Variants in TGFBR3 observed in about 807,000 individuals in gnomAD.
TGFBR3 encodes the protein transforming growth factor beta receptor type 3.
TGFBR3 carries 46 observed loss-of-function variants against 87.9 expected under a neutral mutation model. That is an observed-to-expected ratio of 0.52 (90% CI 0.41 to 0.67). The LOEUF (loss-of-function observed/expected upper bound fraction) is 0.67, where lower values mean the gene tolerates loss of function less well. Ranked by LOEUF, TGFBR3 falls within the 30% of genes least tolerant of loss-of-function variation. TGFBR3 has a pLI of 0.00. For missense variants in TGFBR3, 866 were observed against 1,041.9 expected, an observed-to-expected ratio of 0.83 and a Z score of 2.32; for synonymous variants, 381 against 391.6, an observed-to-expected ratio of 0.97 and a Z score of 0.32.
At chr1:91,813,439 T>C (rs1025908063) in intron 2 of TGFBR3, among the ~76,000 whole-genome samples, 1 of 152,220 alleles carries the variant, frequency 6.6e-6, no homozygotes, top group Non-Finnish European at 1.5e-5. Flanking sequence ...CATTTTCTCA[T>C]GGTGACCTCC....
chr1:91,768,068 C>T (rs1674243563), intron 3 of TGFBR3, among the ~76,000 whole-genome samples: 2 of 151,950 alleles, frequency 1.3e-5, no homozygotes, highest in Admixed American at 6.6e-5. Flanking sequence ...CAAAATTAGC[C>T]GGGTGTGGTG....
intron 1 of TGFBR3, among the ~76,000 whole-genome samples, chr1:91,873,949 C>CA (rs769246405): frequency 0.011 from 1,176 of 104,882 alleles, 5 homozygotes; most frequent in African/African-American, 0.023. Flanking sequence ...GACCCTGCCA[C>CA]AAAAAAAAAA....
intron 2 of TGFBR3, among the ~76,000 whole-genome samples, chr1:91,832,612 A>T (rs1042962741): frequency 6.6e-6 from 1 of 152,244 alleles, no homozygotes; most frequent in Admixed American, 6.5e-5. Context: ...TCAAGTGATT[A>T]AGCCAAACCA....
intron 12 of TGFBR3, among the ~76,000 whole-genome samples, chr1:91,713,263 C>T (rs887820120): frequency 6.6e-6 from 1 of 152,184 alleles, no homozygotes; most frequent in Non-Finnish European, 1.5e-5. Flanking sequence ...ATTTATACTT[C>T]CCCCTTTGAA....
At chr1:91,786,683 G>A (rs1427862773) in intron 3 of TGFBR3, among the ~76,000 whole-genome samples, 2 of 151,866 alleles carry the variant, frequency 1.3e-5, no homozygotes, top group Non-Finnish European at 2.9e-5. Flanking sequence ...CTCGGGAGGC[G>A]GAGGTTGCAG....
chr1:91,729,663 T>C, intron 6 of TGFBR3, 142 bp downstream of exon 6: 2 of 947,200 alleles, frequency 2.1e-6, no homozygotes, highest in South Asian at 2.8e-5. Context: ...ATGGCTACCT[T>C]CCCTCCTGCG....
chr1:91,751,324 C>T (rs1385355807), intron 4 of TGFBR3, among the ~76,000 whole-genome samples: 3 of 152,114 alleles, frequency 2.0e-5, no homozygotes, highest in Non-Finnish European at 4.4e-5. Context: ...ATTCTTAGGG[C>T]GTTTTTGGAC....
chr1:91,905,637 C>G (rs1194072943), intron 1 of TGFBR3, among the ~76,000 whole-genome samples: 2 of 151,940 alleles, frequency 1.3e-5, no homozygotes, highest in Non-Finnish European at 2.9e-5. Context: ...TTTCGCTGAT[C>G]CACCCGCCTC....
intron 4 of TGFBR3, among the ~76,000 whole-genome samples, chr1:91,740,458 G>A (rs1365276737): frequency 3.3e-5 from 5 of 150,600 alleles, no homozygotes; most frequent in Admixed American, 6.6e-5. Flanking sequence ...TCCACCTCAC[G>A]GGTTCAATTG....
chr1:91,764,581 G>C (rs1035000630), intron 3 of TGFBR3, among the ~76,000 whole-genome samples: 25 of 151,996 alleles, frequency 1.6e-4, no homozygotes, highest in African/African-American at 5.6e-4. Context: ...CCCCGGCTGC[G>C]GAGAAGAGAG....
At chr1:91,866,434 C>T (rs190870866) in intron 1 of TGFBR3, among the ~76,000 whole-genome samples, 7 of 152,142 alleles carry the variant, frequency 4.6e-5, no homozygotes, top group African/African-American at 1.7e-4. Context: ...CCAAGCACAA[C>T]TGATATTCAA....
rs148518158 is a variant in TGFBR3 at position 91,851,248 on chromosome 1, G to A, written c.61+10223C>T. Among the ~76,000 whole-genome samples the A allele has an allele frequency of 2.2e-3, 334 of 152,212 alleles. 1 individual carries two copies. Among genetic ancestry groups the A allele is most frequent in the Non-Finnish European group, 4.1e-3 (280 of 68,026 alleles). On this transcript the variant is annotated intron_variant, in intron 2 of 16. Coordinates refer to ENST00000212355, the MANE Select transcript of TGFBR3 (RefSeq NM_003243.5). ...TTGGAAGGAACGTTCCAAGAGCTAT[G>A]GCATTTTTCAGCCCTCTAGAATTCC... is the stretch of plus-strand genomic sequence containing the variant.
At chr1:91,811,688 G>A (rs1676035582) in intron 2 of TGFBR3, among the ~76,000 whole-genome samples, 1 of 152,040 alleles carries the variant, frequency 6.6e-6, no homozygotes, top group Non-Finnish European at 1.5e-5. Flanking sequence ...ATAAGATAAA[G>A]TACTGTACTA....
At chr1:91,829,395 C>CA (rs71586715) in intron 2 of TGFBR3, among the ~76,000 whole-genome samples, 47,146 of 140,084 alleles carry the variant, frequency 0.34, 7,517 homozygotes, top group Non-Finnish European at 0.36. Flanking sequence ...AACAAACAAA[C>CA]AAAAAAAAAA....
At chr1:91,758,382 C>T (rs1270606352) in intron 4 of TGFBR3, among the ~76,000 whole-genome samples, 1 of 152,114 alleles carries the variant, frequency 6.6e-6, no homozygotes, top group Non-Finnish European at 1.5e-5. Flanking sequence ...CTCTAATGTG[C>T]GCACTAGACC....
At chr1:91,857,222 G>C (rs1165033266) in intron 2 of TGFBR3, among the ~76,000 whole-genome samples, 2 of 152,080 alleles carry the variant, frequency 1.3e-5, no homozygotes, top group African/African-American at 2.4e-5. Flanking sequence ...TGGAAGAAGA[G>C]AGCATCCAAA....
chr1:91,708,524 G>T, intron 14 of TGFBR3, 139 bp downstream of exon 14: 1 of 1,333,414 alleles, frequency 7.5e-7, no homozygotes, highest in African/African-American at 1.4e-5. Flanking sequence ...GACTCTTCGG[G>T]CAAAAAATGG....
At chr1:91,874,983 GTTGA>G (rs1474741280) in intron 1 of TGFBR3, among the ~76,000 whole-genome samples, 1 of 152,122 alleles carries the variant, frequency 6.6e-6, no homozygotes, top group Non-Finnish European at 1.5e-5. Flanking sequence ...ATGATTCTGA[GTTGA>G]TTTTCTGTGT....
chr1:91,839,262 A>G (rs1677177320), intron 2 of TGFBR3, among the ~76,000 whole-genome samples: 1 of 152,196 alleles, frequency 6.6e-6, no homozygotes, highest in Non-Finnish European at 1.5e-5. Context: ...TACAAGTGTG[A>G]GCCACCACAC....
Sources: gnomAD v4.1 joint callset for allele counts (sites outside exome capture counted in the v4.1 genomes callset) on GRCh38, gnomAD v4.1.1 for gene constraint, MANE v1.5 for transcripts, NCBI Gene and HGNC (gene_info 2026-07-23, HGNC 2026-07-21) for gene names.